ESYT3: variants seen among roughly 807,000 people sequenced by gnomAD.
ESYT3 encodes the protein extended synaptotagmin-3.
Under a neutral mutation model 111.5 loss-of-function variants are expected in ESYT3, and 101 were observed. The observed-to-expected ratio is 0.91, with a 90% confidence interval of 0.77 to 1.07. The LOEUF (loss-of-function observed/expected upper bound fraction) is 1.07, where lower values mean the gene tolerates loss of function less well. ESYT3 is among the 50% of genes least tolerant of loss of function. The pLI is 0.00. For synonymous variants in ESYT3, 416 were observed against 446.8 expected (o/e 0.93, Z 0.87); for missense variants, 1,097 against 1,109.4 (o/e 0.99, Z 0.16).
chr3:138,468,040 G>T (rs2033018877), intron 11 of ESYT3, 65 bp from the exon 12 acceptor site: 1 of 1,483,020 alleles, frequency 6.7e-7, no homozygotes, highest in Admixed American at 1.7e-5. Context: ...GGACTGGGCT[G>T]CCCAGAGAGC....
intron 10 of ESYT3, among the ~76,000 whole-genome samples, 200 bp from the exon 11 acceptor site, chr3:138,467,361 C>A (rs965412062): frequency 6.6e-6 from 1 of 152,140 alleles, no homozygotes; most frequent in African/African-American, 2.4e-5. Context: ...AGTAGCACAC[C>A]CAGTGGGAGC....
intron 18 of ESYT3, 97 bp downstream of exon 18, chr3:138,472,956 T>A: frequency 6.6e-7 from 1 of 1,518,186 alleles, no homozygotes; most frequent in Non-Finnish European, 8.8e-7. Context: ...TCTGTGCAAG[T>A]TGTTTTTTCA....
Position 138,434,894 on chromosome 3 carries a change from G to A in ESYT3, c.96G>A (p.Leu32=). ...AGCTGCGCCTGTCCAGCCAGCTGCT[G>A]CCCGAGCTCTGTACCTTCGTGGTGC... ...GPELRLSSQL[L]PELCTFVVRV... Residue 32 remains leucine, a synonymous_variant, in exon 1 of 23, where the codon CTG becomes CTA. Transcript: ENST00000389567. The A allele has an allele frequency of 6.4e-7, 1 of 1,550,970 alleles. No homozygotes were observed. The highest frequency in any genetic ancestry group is 2.4e-5 in the East Asian group (1 of 40,950).
chr3:138,467,729 C>G (rs938327606), intron 11 of ESYT3, 120 bp downstream of exon 11: 3 of 920,840 alleles, frequency 3.3e-6, no homozygotes, highest in Non-Finnish European at 3.4e-6. Flanking sequence ...GTGCTAGGCT[C>G]CATCCTCAGG....
intron 1 of ESYT3, among the ~76,000 whole-genome samples, chr3:138,445,293 G>T (rs1438162938): frequency 6.6e-6 from 1 of 152,216 alleles, no homozygotes; most frequent in East Asian, 1.9e-4. Context: ...TTATTTTTCA[G>T]CCTCTCTTTG....
intron 22 of ESYT3, 120 bp from the exon 23 acceptor site, chr3:138,476,698 A>T: frequency 8.6e-7 from 1 of 1,159,708 alleles, no homozygotes; most frequent in Non-Finnish European, 1.3e-6. Context: ...TGGCCAACTT[A>T]CAGAGAGACA....
chr3:138,446,571 A>G (rs1277210417), intron 1 of ESYT3, among the ~76,000 whole-genome samples: 1 of 152,164 alleles, frequency 6.6e-6, no homozygotes, highest in Non-Finnish European at 1.5e-5. Flanking sequence ...AAAGACAAAG[A>G]AGGTTGTTAT....
intron 11 of ESYT3, among the ~76,000 whole-genome samples, chr3:138,467,847 G>A (rs1039998951): frequency 1.3e-5 from 2 of 152,148 alleles, no homozygotes; most frequent in Non-Finnish European, 2.9e-5. Context: ...GCAGGGGACA[G>A]TCACATTATA....
chr3:138,447,933 T>C (rs759337281), intron 1 of ESYT3, among the ~76,000 whole-genome samples: 2 of 151,838 alleles, frequency 1.3e-5, no homozygotes, highest in Non-Finnish European at 2.9e-5. Context: ...ACAATAAATA[T>C]CTACTATTAT....
intron 14 of ESYT3, chr3:138,469,118 C>T (rs2033088178): frequency 1.7e-6 from 1 of 605,664 alleles, no homozygotes; most frequent in South Asian, 2.0e-5. Flanking sequence ...TTACCATTTT[C>T]TGGGTCACAC....
chr3:138,476,933 C>A lies in ESYT3; in HGVS notation c.*79C>A. 9.4e-7 allele frequency: 1 copy of A among 1,066,186 alleles called. No individual in the cohort carries two copies. Among genetic ancestry groups the A allele is most frequent in the Non-Finnish European group, 1.4e-6 (1 of 731,670 alleles). The allele number at this position is 1,066,186 out of a possible 1,614,324, so 66.0% of individuals were successfully genotyped here. ...ATTTTTTCCTTTGGATCACTTACAT[C>A]CAATATATGTATATTTTGTCATTTA... On this transcript the variant is annotated 3_prime_UTR_variant, in exon 23 of 23. Transcript: ENST00000389567.
chr3:138,474,138 C>T, intron 19 of ESYT3, 83 bp from the exon 20 acceptor site: 2 of 1,549,282 alleles, frequency 1.3e-6, no homozygotes, highest in South Asian at 2.4e-5. Flanking sequence ...TTGAAACTCT[C>T]AAACACTGAA....
chr3:138,464,496 C>G lies in ESYT3; in HGVS notation c.1067C>G (p.Thr356Ser). 1 of 1,614,072 alleles carries G rather than the reference C, an allele frequency of 6.2e-7. No individual in the cohort carries two copies. The highest frequency in any genetic ancestry group is 8.5e-7 in the Non-Finnish European group (1 of 1,180,000). Residue 356 changes from threonine to serine, a missense_variant, in exon 9 of 23, where the codon ACC becomes AGC. By Grantham distance (58) the Thr-to-Ser change is moderately conservative (BLOSUM62 1). Transcript: ENST00000389567. ...SRTIYRNLNP[T>S]WNEVFEFMVY... The stretch of plus-strand genomic sequence containing the variant: ...ACCATCTACAGGAACCTGAACCCCA[C>G]CTGGAACGAAGTGTTTGAGGTAAGG...
rs1256186304 is a variant in ESYT3, at chr3:138,479,003, A to G, written c.*2149A>G. The G allele has an allele frequency of 6.6e-6, 1 of 152,234 alleles. No homozygotes were observed. Among genetic ancestry groups the G allele is most frequent in the Non-Finnish European group, 1.5e-5 (1 of 68,040 alleles). 9.4% of individuals were successfully genotyped at this position (152,234 alleles called of 1,614,324 possible). A position where few individuals can be genotyped will look rare whatever the true frequency, so the allele number is the denominator to read the frequency against. On this transcript the variant is annotated 3_prime_UTR_variant, in exon 23 of 23. Coordinates refer to ENST00000389567, the MANE Select transcript of ESYT3 (RefSeq NM_031913.5). ...CCCCACAGGGTTGCCACTCCCATCC[A>G]GGGCACATATGCGACAACTGCAGCA...
At position 138,459,947 on chromosome 3, in the gene ESYT3, G is replaced by A; in HGVS notation, c.651G>A (p.Leu217=). 1.2e-6 allele frequency: 2 copies of A among 1,613,742 alleles called. No individual in the cohort carries two copies. The highest frequency in any genetic ancestry group is 2.2e-5 in the South Asian group (2 of 91,066). The change falls in exon 6 of 23, where the codon TTG becomes TTA. Residue 217 remains leucine, a splice_region_variant and synonymous_variant. Coordinates refer to ENST00000389567, the MANE Select transcript of ESYT3 (RefSeq NM_031913.5). ...ACGGGCCCTCTGTGCCTATCCAGTT[G>A]CAGGGCACCCTGCGGGTCATCCTGG... is the stretch of plus-strand genomic sequence containing the variant. ...KIQAGVNGIQ[L]QGTLRVILEP... is the part of the protein sequence containing the mutation.
chr3:138,462,097 A>G lies in ESYT3; in HGVS notation c.806A>G (p.Asp269Gly). 2 of 1,614,122 alleles carry G rather than the reference A, an allele frequency of 1.2e-6. No homozygotes were observed. The highest frequency in any genetic ancestry group is 1.1e-5 in the South Asian group (1 of 91,078). The change falls in exon 8 of 23, where the codon GAC becomes GGC. Residue 269 changes from aspartate to glycine, a missense_variant. Asp to Gly is a moderately conservative substitution (Grantham distance 94). Transcript: ENST00000389567. The part of the protein sequence containing the change: ...LDAPGINDVS[D>G]SLLEDLIATH... ...TGCCTTGTGTCCAGTGATGTGTCAG[A>G]CAGCTTACTGGAGGACCTCATTGCC...
intron 1 of ESYT3, among the ~76,000 whole-genome samples, chr3:138,449,332 TGCCTCG>T (rs1399348858): frequency 1.3e-5 from 2 of 152,046 alleles, no homozygotes; most frequent in African/African-American, 4.8e-5. Flanking sequence ...GTGATCCACC[TGCCTCG>T]GCCTCCCAAA....
chr3:138,470,245 C>T (rs1055272416), intron 16 of ESYT3, 99 bp downstream of exon 16: 16 of 1,455,280 alleles, frequency 1.1e-5, no homozygotes, highest in Admixed American at 1.0e-4. Context: ...CTCCTGGCAG[C>T]GTTTAAAGTC....
chr3:138,442,744 A>G (rs897120371), intron 1 of ESYT3, among the ~76,000 whole-genome samples: 1 of 152,222 alleles, frequency 6.6e-6, no homozygotes, highest in Non-Finnish European at 1.5e-5. Flanking sequence ...TGCCCAGTTC[A>G]TAGTAAGGAC....
Sources: allele counts gnomAD v4.1 joint callset (sites outside exome capture counted in the v4.1 genomes callset), GRCh38; gene constraint gnomAD v4.1.1; transcripts MANE v1.5; gene names NCBI Gene and HGNC (gene_info 2026-07-23, HGNC 2026-07-21).